The following SNRPN variants were observed in gnomAD, a reference collection of about 807,000 sequenced individuals.
SNRPN encodes small nuclear ribonucleoprotein polypeptide N.
Under a neutral mutation model 25.2 loss-of-function variants are expected in SNRPN, and 7 were observed. That is an observed-to-expected ratio of 0.28 (90% CI 0.16 to 0.52). The LOEUF is 0.52. Ranked by LOEUF, SNRPN falls within the 20% of genes least tolerant of loss-of-function variation. SNRPN has a pLI of 0.96. For missense variants in SNRPN, 196 were observed against 322.5 expected (o/e 0.61, Z 3.00); for synonymous variants, 124 against 110.6 (o/e 1.12, Z -0.76).
chr15:24,930,614 G>A (rs2152841967), intron 3 of SNRPN, among the ~76,000 whole-genome samples: 1 of 142,370 alleles, frequency 7.0e-6, no homozygotes, highest in South Asian at 2.2e-4. Context: ...AAAAAAGTCT[G>A]GGTGCAGTGG....
intron 1 of SNRPN, among the ~76,000 whole-genome samples, chr15:24,956,270 G>A (rs1205441693): frequency 6.6e-6 from 1 of 151,586 alleles, no homozygotes. Flanking sequence ...AATAACCTGG[G>A]GGTCTGTGTT....
chr15:24,903,109 A>G (rs1021496350), intron 2 of SNRPN, among the ~76,000 whole-genome samples: 1 of 152,160 alleles, frequency 6.6e-6, no homozygotes, highest in African/African-American at 2.4e-5. Flanking sequence ...CCAAGTCCCC[A>G]CCCAACCCAG....
At chr15:24,912,020 G>C (rs2059249348) in intron 2 of SNRPN, among the ~76,000 whole-genome samples, 1 of 152,242 alleles carries the variant, frequency 6.6e-6, no homozygotes, top group Non-Finnish European at 1.5e-5. Context: ...CACTACCCCA[G>C]TGTCTCTGTA....
chr15:24,908,651 A>T (rs947898510), intron 2 of SNRPN, among the ~76,000 whole-genome samples: 42 of 152,054 alleles, frequency 2.8e-4, no homozygotes, highest in African/African-American at 9.9e-4. Flanking sequence ...AGCTGGTTAC[A>T]GGGAGAAGGC....
chr15:24,887,899 T>C (rs2057338985), intron 2 of SNRPN, among the ~76,000 whole-genome samples: 1 of 152,058 alleles, frequency 6.6e-6, no homozygotes. Flanking sequence ...CCCCCCAGGC[T>C]CATGGATGGA....
intron 2 of SNRPN, among the ~76,000 whole-genome samples, chr15:24,916,152 G>C (rs1188596216): frequency 6.6e-6 from 1 of 151,818 alleles, no homozygotes; most frequent in Non-Finnish European, 1.5e-5. Flanking sequence ...GTAGATAATG[G>C]GGTTTCACTA....
At chr15:24,931,089 T>G (rs574037376) in intron 3 of SNRPN, among the ~76,000 whole-genome samples, 38 of 152,076 alleles carry the variant, frequency 2.5e-4, no homozygotes, top group African/African-American at 8.9e-4. Flanking sequence ...TCTATAAAAC[T>G]TTTTTCTAGT....
At chr15:24,837,050 GC>G (rs2051258016) in intron 2 of SNRPN, among the ~76,000 whole-genome samples, 1 of 151,962 alleles carries the variant, frequency 6.6e-6, no homozygotes, top group Admixed American at 6.6e-5. Flanking sequence ...TCCTTAGTGT[GC>G]CAGGGTGCCA....
intron 1 of SNRPN, among the ~76,000 whole-genome samples, chr15:24,862,705 A>G (rs2054098558): frequency 6.6e-6 from 1 of 151,026 alleles, no homozygotes; most frequent in Non-Finnish European, 1.5e-5. Context: ...AGCTGCCCTT[A>G]GGAACTCAGG....
intron 1 of SNRPN, among the ~76,000 whole-genome samples, chr15:24,886,282 G>C (rs2057200150): frequency 6.6e-6 from 1 of 152,006 alleles, no homozygotes; most frequent in Non-Finnish European, 1.5e-5. Context: ...AATCCCTCTT[G>C]CCCCTGATGT....
chr15:24,976,071 G>C (rs2077026244), intron 5 of SNRPN, among the ~76,000 whole-genome samples: 1 of 152,128 alleles, frequency 6.6e-6, no homozygotes, highest in Non-Finnish European at 1.5e-5. Context: ...TCTTGTTGTA[G>C]TGTAACATCA....
chr15:24,976,468 T>C (rs2077071984), intron 6 of SNRPN, 52 bp downstream of exon 6: 1 of 1,182,624 alleles, frequency 8.5e-7, no homozygotes. Flanking sequence ...GACATCATAT[T>C]ATGTGAGATG....
chr15:24,833,645 T>C (rs1472171608), intron 2 of SNRPN, among the ~76,000 whole-genome samples: 1 of 152,068 alleles, frequency 6.6e-6, no homozygotes, highest in Non-Finnish European at 1.5e-5. Flanking sequence ...AAGAAGGCGA[T>C]GTGTAACATA....
intron 1 of SNRPN, among the ~76,000 whole-genome samples, chr15:24,871,736 G>A (rs528306376): frequency 6.5e-4 from 98 of 149,694 alleles, no homozygotes; most frequent in Non-Finnish European, 8.9e-4. Flanking sequence ...ACAAAGTCTC[G>A]CTCTGTTGCC....
chr15:24,914,097 G>T (rs968149820), intron 2 of SNRPN, among the ~76,000 whole-genome samples: 2 of 152,154 alleles, frequency 1.3e-5, no homozygotes, highest in African/African-American at 4.8e-5. Flanking sequence ...AGTGTGGAGA[G>T]TGGGGAGGGA....
At chr15:24,961,574 A>G (rs528222500) in intron 1 of SNRPN, among the ~76,000 whole-genome samples, 24 of 152,192 alleles carry the variant, frequency 1.6e-4, no homozygotes, top group Admixed American at 3.3e-4. Context: ...TGTTTTTGCT[A>G]TGTGGATAGT....
intron 2 of SNRPN, among the ~76,000 whole-genome samples, chr15:24,912,043 G>A (rs1228858886): frequency 2.6e-5 from 4 of 152,192 alleles, no homozygotes; most frequent in Non-Finnish European, 5.9e-5. Context: ...GTGAGAGGTA[G>A]AATCAAAAAA....
intron 2 of SNRPN, among the ~76,000 whole-genome samples, chr15:24,893,012 C>T (rs2057797925): frequency 6.6e-6 from 1 of 151,630 alleles, no homozygotes; most frequent in Non-Finnish European, 1.5e-5. Context: ...AGTTCAAGAC[C>T]AGCCTGATCA....
At chr15:24,949,852 G>A (rs1429161210) in intron 3 of SNRPN, among the ~76,000 whole-genome samples, 2 of 150,172 alleles carry the variant, frequency 1.3e-5, no homozygotes, top group African/African-American at 4.9e-5. Context: ...TTTGGAGAAC[G>A]GGTCTCACTC....
Sources: allele counts gnomAD v4.1 joint callset (sites outside exome capture counted in the v4.1 genomes callset), GRCh38; gene constraint gnomAD v4.1.1; transcripts MANE v1.5; gene names NCBI Gene and HGNC (gene_info 2026-07-23, HGNC 2026-07-21).